ALK: variants seen among roughly 807,000 people sequenced by gnomAD.
The protein encoded by ALK is ALK tyrosine kinase receptor.
ALK carries 74 observed loss-of-function variants against 163.1 expected under a neutral mutation model. The observed-to-expected ratio is 0.45, with a 90% CI of 0.38 to 0.55. ALK has a LOEUF of 0.55. Ranked by LOEUF, ALK falls within the 20% of genes least tolerant of loss-of-function variation. The pLI is 0.00. For missense variants in ALK, 2,063 were observed against 2,105.3 expected (o/e 0.98, Z 0.39); for synonymous variants, 960 against 843.2 (o/e 1.14, Z -2.40).
chr2:29,419,616 C>A (rs916754561), intron 4 of ALK, among the ~76,000 whole-genome samples: 1 of 151,374 alleles, frequency 6.6e-6, no homozygotes, highest in South Asian at 2.1e-4. Flanking sequence ...TGAGAATGGT[C>A]ATTTGTAAGG....
intron 3 of ALK, among the ~76,000 whole-genome samples, chr2:29,613,225 C>A (rs1480576334): frequency 2.0e-5 from 3 of 152,180 alleles, no homozygotes; most frequent in Non-Finnish European, 2.9e-5. Flanking sequence ...AATGCCTGAG[C>A]CACAAAGAAG....
At chr2:29,557,131 CACTG>C (rs1673884162) in intron 3 of ALK, among the ~76,000 whole-genome samples, 3 of 152,070 alleles carry the variant, frequency 2.0e-5, no homozygotes, top group African/African-American at 7.2e-5. Context: ...GGCAGATGTT[CACTG>C]ACTGACTGAT....
At chr2:29,771,894 G>T (rs1394795045) in intron 1 of ALK, among the ~76,000 whole-genome samples, 1 of 152,198 alleles carries the variant, frequency 6.6e-6, no homozygotes, top group Non-Finnish European at 1.5e-5. Flanking sequence ...TAATGGATTT[G>T]TCAGATAAGC....
At chr2:29,681,733 T>C (rs1370829965) in intron 3 of ALK, among the ~76,000 whole-genome samples, 1 of 151,974 alleles carries the variant, frequency 6.6e-6, no homozygotes, top group South Asian at 2.1e-4. Context: ...CACTTTCACC[T>C]ACAACCCCCC....
In ALK at chr2:29,693,027, A is replaced by T. The variant is rs561981122; in HGVS notation, c.952+1823T>A. Among the ~76,000 whole-genome samples, 370 of 152,332 alleles carry T rather than the reference A, an allele frequency of 2.4e-3. 1 individual carries two copies. Among genetic ancestry groups the T allele is most frequent in the African/African-American group, 8.4e-3 (351 of 41,584 alleles). ...GTCAATATGTTGTTTGGAGCTGTAT[A>T]CATAGGTGGTATAGCCATGAAGAAG... On this transcript the variant is annotated intron_variant, in intron 3 of 28. Transcript: ENST00000389048.
chr2:29,851,849 G>A (rs1450689085), intron 1 of ALK, among the ~76,000 whole-genome samples: 1 of 152,208 alleles, frequency 6.6e-6, no homozygotes, highest in Non-Finnish European at 1.5e-5. Flanking sequence ...AACAGCTCTG[G>A]GAGAGGGTAG....
intron 8 of ALK, among the ~76,000 whole-genome samples, chr2:29,312,612 C>T (rs1045197513): frequency 6.6e-6 from 1 of 152,182 alleles, no homozygotes; most frequent in Non-Finnish European, 1.5e-5. Flanking sequence ...ATCAGCATTA[C>T]ACTGTGGGAG....
intron 2 of ALK, among the ~76,000 whole-genome samples, chr2:29,713,765 A>C (rs1209982400): frequency 6.6e-6 from 1 of 152,150 alleles, no homozygotes; most frequent in African/African-American, 2.4e-5. Context: ...ATATAAAATA[A>C]TTTTCATCTA....
chr2:29,599,846 A>G (rs974356927), intron 3 of ALK, among the ~76,000 whole-genome samples: 81 of 152,354 alleles, frequency 5.3e-4, no homozygotes, highest in African/African-American at 1.9e-3. Context: ...CAATACGCCA[A>G]TGCTCTTTGC....
intron 9 of ALK, 140 bp downstream of exon 9, chr2:29,296,748 C>T (rs1666192756): frequency 3.3e-5 from 30 of 905,882 alleles, no homozygotes; most frequent in Middle Eastern, 4.6e-4. Flanking sequence ...TGTGCACGTG[C>T]GTGCACGCGC....
chr2:29,373,357 CA>C (rs1668681108), intron 5 of ALK, among the ~76,000 whole-genome samples: 1 of 152,196 alleles, frequency 6.6e-6, no homozygotes, highest in Admixed American at 6.5e-5. Flanking sequence ...TACTACCAGA[CA>C]TTGATGTCAA....
intron 1 of ALK, among the ~76,000 whole-genome samples, chr2:29,915,979 A>G (rs1030206299): frequency 5.3e-5 from 8 of 152,224 alleles, no homozygotes; most frequent in Non-Finnish European, 1.2e-4. Flanking sequence ...TGTATATGCA[A>G]TTCTTTTCTT....
At chr2:29,203,485 CTTTTTTTTTTTTT>C (rs1156462365) in intron 26 of ALK, among the ~76,000 whole-genome samples, 2 of 32,548 alleles carry the variant, frequency 6.1e-5, no homozygotes, top group Non-Finnish European at 1.0e-4. Context: ...GAGGATGTGC[CTTTTTTTTTTTTT>C]TTTTTTTTTT....
At chr2:29,903,542 GTAGA>G (rs1336603959) in intron 1 of ALK, among the ~76,000 whole-genome samples, 2 of 152,018 alleles carry the variant, frequency 1.3e-5, no homozygotes, top group Non-Finnish European at 2.9e-5. Context: ...ATGTAAGTAG[GTAGA>G]TATTTATTTA....
At chr2:29,912,002 C>G (rs890893171) in intron 1 of ALK, among the ~76,000 whole-genome samples, 3 of 152,020 alleles carry the variant, frequency 2.0e-5, no homozygotes, top group Non-Finnish European at 4.4e-5. Context: ...ATAATTATAT[C>G]AGAATGGAGA....
chr2:29,560,725 C>A (rs376434306), intron 3 of ALK, among the ~76,000 whole-genome samples: 2 of 152,128 alleles, frequency 1.3e-5, no homozygotes, highest in East Asian at 3.9e-4. Context: ...GTGTACACTA[C>A]CATGCCTGGC....
intron 1 of ALK, among the ~76,000 whole-genome samples, chr2:29,812,046 C>A (rs1664773530): frequency 6.6e-6 from 1 of 152,160 alleles, no homozygotes; most frequent in Admixed American, 6.5e-5. Flanking sequence ...GTTCTTCATG[C>A]CTCCTTGTGC....
chr2:29,773,924 A>G (rs1022249344), intron 1 of ALK, among the ~76,000 whole-genome samples: 1 of 152,224 alleles, frequency 6.6e-6, no homozygotes, highest in African/African-American at 2.4e-5. Flanking sequence ...ATTTATCAAA[A>G]TCTTGAGAAA....
At chr2:29,591,293 TCA>T (rs1346278473) in intron 3 of ALK, among the ~76,000 whole-genome samples, 1 of 152,144 alleles carries the variant, frequency 6.6e-6, no homozygotes, top group Non-Finnish European at 1.5e-5. Flanking sequence ...ACTAAATTCT[TCA>T]TTCTTTCCTT....
Sources: allele counts gnomAD v4.1 joint callset (sites outside exome capture counted in the v4.1 genomes callset), GRCh38; gene constraint gnomAD v4.1.1; transcripts MANE v1.5; gene names NCBI Gene and HGNC (gene_info 2026-07-23, HGNC 2026-07-21).